PTPRD: variants seen among roughly 807,000 people sequenced by gnomAD.
The protein encoded by PTPRD is receptor-type tyrosine-protein phosphatase delta.
Under a neutral mutation model 214.5 loss-of-function variants are expected in PTPRD, and 34 were observed. The observed-to-expected ratio is 0.16, with a 90% CI of 0.12 to 0.21. PTPRD has a LOEUF of 0.21. Ranked by LOEUF, PTPRD falls within the 10% of genes least tolerant of loss-of-function variation. The probability of loss-of-function intolerance (pLI) is 1.00; values close to 1 mark genes in which losing one functional copy is unlikely to be tolerated. For missense variants in PTPRD, 2,545 were observed against 2,398.7 expected, an observed-to-expected ratio of 1.06 and a Z score of -1.27; for synonymous variants, 1,128 against 845.7, an observed-to-expected ratio of 1.33 and a Z score of -5.79.
intron 11 of PTPRD, among the ~76,000 whole-genome samples, chr9:8,918,449 A>T (rs1254559748): frequency 6.6e-6 from 1 of 152,164 alleles, no homozygotes; most frequent in Non-Finnish European, 1.5e-5. Flanking sequence ...AGCAGTAAAA[A>T]AAATTCAGCC....
intron 9 of PTPRD, among the ~76,000 whole-genome samples, chr9:9,241,847 G>A (rs1303389270): frequency 2.0e-5 from 3 of 151,888 alleles, no homozygotes; most frequent in Non-Finnish European, 4.4e-5. Flanking sequence ...CATTTACACT[G>A]AAGGGTAATA....
intron 7 of PTPRD, among the ~76,000 whole-genome samples, chr9:9,683,419 G>A (rs911697081): frequency 6.6e-6 from 1 of 151,576 alleles, no homozygotes; most frequent in African/African-American, 2.4e-5. Flanking sequence ...CCAGCACCTG[G>A]TAAAACAGAC....
chr9:8,895,163 A>G (rs1047102703), intron 11 of PTPRD, among the ~76,000 whole-genome samples: 1 of 152,200 alleles, frequency 6.6e-6, no homozygotes, highest in Middle Eastern at 3.2e-3. Context: ...GCAGCTGTAG[A>G]TATTTTTAAA....
intron 2 of PTPRD, among the ~76,000 whole-genome samples, chr9:10,372,873 G>A (rs915736776): frequency 5.8e-5 from 7 of 121,482 alleles, no homozygotes; most frequent in South Asian, 2.7e-4. Context: ...TTATTGAGAT[G>A]TAGTCTTGCT....
At chr9:10,222,722 C>T (rs2099575328) in intron 3 of PTPRD, among the ~76,000 whole-genome samples, 1 of 151,876 alleles carries the variant, frequency 6.6e-6, no homozygotes, top group African/African-American at 2.4e-5. Context: ...AAGCCATGGT[C>T]AAATGACTAT....
intron 9 of PTPRD, among the ~76,000 whole-genome samples, chr9:9,363,769 T>G (rs10759056): frequency 0.45 from 67,342 of 151,036 alleles, 15,092 homozygotes; most frequent in African/African-American, 0.49. Flanking sequence ...AAGCAAAAAC[T>G]TAGAAACCAT....
intron 11 of PTPRD, among the ~76,000 whole-genome samples, chr9:8,902,486 GCAATGTGCCAC>G (rs1170850139): frequency 2.0e-5 from 3 of 151,868 alleles, no homozygotes; most frequent in Non-Finnish European, 2.9e-5. Context: ...AGGACTACAG[GCAATGTGCCAC>G]CACACCTGGC....
rs370423771 is a variant in PTPRD, at chr9:9,923,271, T to C, written c.-368+15236A>G. 5.3e-5 allele frequency among the ~76,000 whole-genome samples: 8 copies of C among 150,982 alleles called. No individual in the cohort carries two copies. The South Asian group carries it at 6.3e-4, about 12-fold the overall frequency. ...TTAGTTTTTTTTTTCAAATAAAATA[T>C]TGTAATGAATAGAAGAGTGGAAGAT... On this transcript the variant is annotated intron_variant, in intron 5 of 45. Coordinates refer to ENST00000381196, the MANE Select transcript of PTPRD (RefSeq NM_002839.4).
rs538551660 is a variant in PTPRD, at chr9:9,588,846, C to T, written c.-286-14065G>A. ...TATTAAGAGCCAGAGCTTTTCTATGCATTTTGAAAGCATTTTATGAGTTAT... is the reference window on the plus strand; with the variant it reads ...TATTAAGAGCCAGAGCTTTTCTATGTATTTTGAAAGCATTTTATGAGTTAT... On this transcript the variant is annotated intron_variant, in intron 7 of 45. Coordinates refer to ENST00000381196, the MANE Select transcript of PTPRD (RefSeq NM_002839.4). Among the ~76,000 whole-genome samples, 423 of 151,960 alleles carry T rather than the reference C, an allele frequency of 2.8e-3. 1 individual carries two copies. The highest frequency in any genetic ancestry group is 9.5e-3 in the African/African-American group (394 of 41,516).
intron 2 of PTPRD, among the ~76,000 whole-genome samples, chr9:10,531,512 A>G (rs1566772524): frequency 6.6e-6 from 1 of 152,224 alleles, no homozygotes; most frequent in Admixed American, 6.5e-5. Flanking sequence ...TATAAACTAC[A>G]ATAAATATGG....
At chr9:8,337,875 T>TA (rs397842488) in intron 43 of PTPRD, among the ~76,000 whole-genome samples, 10 of 144,846 alleles carry the variant, frequency 6.9e-5, no homozygotes, top group Admixed American at 2.8e-4. Context: ...AGAGCACTAT[T>TA]TTTTTTTTTT....
chr9:8,433,698 T>C (rs7047641), intron 35 of PTPRD, among the ~76,000 whole-genome samples: 48,581 of 152,130 alleles, frequency 0.32, 9,078 homozygotes, highest in Middle Eastern at 0.43. Flanking sequence ...TGTATAGCTG[T>C]ACAGTGTGCT....
chr9:9,639,180 A>G (rs1409467238), intron 7 of PTPRD, among the ~76,000 whole-genome samples: 1 of 152,178 alleles, frequency 6.6e-6, no homozygotes, highest in East Asian at 1.9e-4. Context: ...AAGCAACAGC[A>G]GCCTAACTTA....
intron 11 of PTPRD, among the ~76,000 whole-genome samples, chr9:8,954,002 C>A (rs1290134638): frequency 6.6e-6 from 1 of 151,856 alleles, no homozygotes; most frequent in Non-Finnish European, 1.5e-5. Context: ...GTTATATACC[C>A]AAAGTAAAAG....
intron 12 of PTPRD, chr9:8,713,445 G>C (rs1368955608): frequency 4.5e-6 from 5 of 1,102,564 alleles, no homozygotes; most frequent in Non-Finnish European, 6.9e-6. Flanking sequence ...CCCGCTTCTG[G>C]TACTTCGTAT....
intron 8 of PTPRD, among the ~76,000 whole-genome samples, chr9:9,410,368 T>C (rs2074996272): frequency 6.6e-6 from 1 of 152,178 alleles, no homozygotes; most frequent in South Asian, 2.1e-4. Flanking sequence ...TTTAGACATA[T>C]ACATCAAAAG....
chr9:9,590,698 G>C (rs139419289), intron 7 of PTPRD, among the ~76,000 whole-genome samples: 108 of 151,914 alleles, frequency 7.1e-4, no homozygotes, highest in African/African-American at 2.1e-3. Context: ...GCATGAGCTT[G>C]AACCATTCTT....
At chr9:9,245,843 G>A (rs1383974042) in intron 9 of PTPRD, among the ~76,000 whole-genome samples, 1 of 152,062 alleles carries the variant, frequency 6.6e-6, no homozygotes, top group Non-Finnish European at 1.5e-5. Context: ...GGAACCTTGA[G>A]CAGAAATAAA....
chr9:8,880,726 A>G (rs1281875886), intron 11 of PTPRD, among the ~76,000 whole-genome samples: 1 of 152,206 alleles, frequency 6.6e-6, no homozygotes, highest in African/African-American at 2.4e-5. Flanking sequence ...ACAAATAAAT[A>G]GAATTAAAAT....
Sources: gnomAD v4.1 joint callset for allele counts (sites outside exome capture counted in the v4.1 genomes callset) on GRCh38, gnomAD v4.1.1 for gene constraint, MANE v1.5 for transcripts, NCBI Gene and HGNC (gene_info 2026-07-23, HGNC 2026-07-21) for gene names.